The following ADAD2 variants were observed in gnomAD, a reference collection of about 807,000 sequenced individuals.
ADAD2 encodes adenosine deaminase domain containing 2, also known as adenosine deaminase domain-containing protein 2.
A neutral mutation model predicts 54.5 loss-of-function variants in ADAD2; 60 were observed. That is an observed-to-expected ratio of 1.10 (90% CI 0.89 to 1.36). The LOEUF is 1.36. Among genes scored for constraint, ADAD2 ranks in the 40% most tolerant of loss-of-function variants. The pLI is 0.00. For missense variants in ADAD2, 1,103 were observed against 801.3 expected (o/e 1.38, Z -4.54); for synonymous variants, 543 against 366.2 (o/e 1.48, Z -5.51).
intron 1 of ADAD2, chr16:84,193,242 A>T (rs1222627752): frequency 6.6e-6 from 1 of 152,108 alleles, no homozygotes; most frequent in Non-Finnish European, 1.5e-5. Flanking sequence ...TCACATTCAA[A>T]TTTTGCCAGT....
chr16:84,192,920 C>T (rs1288648754), intron 1 of ADAD2: 1 of 152,134 alleles, frequency 6.6e-6, no homozygotes, highest in Non-Finnish European at 1.5e-5. Context: ...TCTCAACTCA[C>T]TGCAACCTTT....
chr16:84,196,418 G>C (rs770241915), intron 8 of ADAD2, 48 bp downstream of exon 8: 1 of 1,580,484 alleles, frequency 6.3e-7, no homozygotes, highest in Non-Finnish European at 8.6e-7. Context: ...GCTGGTGATG[G>C]AGGGCTCATG....
rs997900127 is a variant in ADAD2 at position 84,191,528 on chromosome 16, C to T, written c.298C>T (p.Pro100Ser). 20 of 1,546,364 alleles carry T rather than the reference C, an allele frequency of 1.3e-5. No homozygotes were observed. Among genetic ancestry groups the T allele is most frequent in the Non-Finnish European group, 1.6e-5 (18 of 1,146,566 alleles). The change falls in exon 1 of 10, where the codon CCC becomes TCC. Residue 100 changes from proline to serine, a missense_variant. Physicochemically the swap from Pro to Ser is moderately conservative, Grantham distance 74. Transcript: ENST00000315906. The part of the protein sequence containing the change: ...QMGKAPRVPV[P>S]PAGLSLPLKD... Reference sequence around the variant, plus strand: ...GGGGAAGGCCCCGAGGGTCCCTGTGCCCCCAGCAGGGCTCAGCCTGCCGCT... The same window carrying T: ...GGGGAAGGCCCCGAGGGTCCCTGTGTCCCCAGCAGGGCTCAGCCTGCCGCT...
At position 84,195,052 on chromosome 16, in the gene ADAD2, C is replaced by G; in HGVS notation, c.608-17C>G. 1 of 1,612,746 alleles carries G rather than the reference C, an allele frequency of 6.2e-7. No individual in the cohort carries two copies. The highest frequency in any genetic ancestry group is 2.2e-5 in the East Asian group (1 of 44,836). On this transcript the variant is annotated splice_polypyrimidine_tract_variant and intron_variant, in intron 3 of 9. Transcript: ENST00000315906. ...GCGTGGGCCCCCTTCTACCTGCAGT[C>G]TCTCGCCCTGGCGCAGAGAACATCC... is the stretch of plus-strand genomic sequence containing the variant.
At chr16:84,196,443 C>T in intron 8 of ADAD2, 73 bp downstream of exon 8, 4 of 1,562,926 alleles carry the variant, frequency 2.6e-6, no homozygotes, top group Non-Finnish European at 3.5e-6. Flanking sequence ...AGCTTCCTCA[C>T]CTCAGTCTAA....
At chr16:84,191,912 G>A in intron 1 of ADAD2, 1 of 596,670 alleles carries the variant, frequency 1.7e-6, no homozygotes, top group East Asian at 3.0e-5. Context: ...GACTTCCAGG[G>A]AGGTTAAGGC....
At chr16:84,195,005 G>T (rs2089707931) in intron 3 of ADAD2, 25 bp downstream of exon 3, 2 of 1,541,910 alleles carry the variant, frequency 1.3e-6, no homozygotes, top group East Asian at 2.3e-5. Context: ...CCGGACCCAG[G>T]CTTGTAGTGT....
Position 84,194,485 on chromosome 16 carries a change from G to C in ADAD2, c.462G>C (p.Val154=). 7 of 1,611,098 alleles carry C rather than the reference G, an allele frequency of 4.3e-6. No homozygotes were observed. Among genetic ancestry groups the C allele is most frequent in the Non-Finnish European group, 5.9e-6 (7 of 1,179,704 alleles). Residue 154 remains valine, a synonymous_variant, in exon 2 of 10, where the codon GTG becomes GTC. Coordinates refer to ENST00000315906, the MANE Select transcript of ADAD2 (RefSeq NM_001145400.2). ...CGGTGAGCGCGGAACTGGATGGGGTGGTCTGCCCTGCGGGCACTGCGAATA... is the reference window on the plus strand; with the variant it reads ...CGGTGAGCGCGGAACTGGATGGGGTCGTCTGCCCTGCGGGCACTGCGAATA... The part of the protein sequence containing the change: ...PFSVSAELDG[V]VCPAGTANSK...
At chr16:84,194,331 G>A in intron 1 of ADAD2, 111 bp from the exon 2 acceptor site, 2 of 1,543,796 alleles carry the variant, frequency 1.3e-6, no homozygotes, top group Non-Finnish European at 1.7e-6. Flanking sequence ...GGGTGGTGAG[G>A]GTCTCATTAT....
chr16:84,195,496 G>T (rs761624474), intron 5 of ADAD2, 34 bp from the exon 6 acceptor site: 2 of 1,604,568 alleles, frequency 1.2e-6, no homozygotes, highest in African/African-American at 2.7e-5. Flanking sequence ...CCAGGACAAG[G>T]TCTTCCCAAC....
rs781250350 is a variant in ADAD2, at chr16:84,191,325, G to A, written c.95G>A (p.Trp32Ter). Residue 32 changes from tryptophan (W) to a stop codon, truncating the protein, a stop_gained, in exon 1 of 10, where the codon TGG (tryptophan) becomes TAG (stop). Transcript: ENST00000315906. LOFTEE classifies it high-confidence loss of function. ...SLQISPQPRP[W>*]RPLPAQAQSA... ...CAGATCAGCCCCCAGCCCCGCCCCT[G>A]GCGACCGCTACCCGCCCAGGCCCAA... 6.3e-7 allele frequency: 1 copy of A among 1,584,662 alleles called. No individual in the cohort carries two copies. The highest frequency in any genetic ancestry group is 8.6e-7 in the Non-Finnish European group (1 of 1,165,492).
intron 1 of ADAD2, chr16:84,194,120 G>C (rs77750049): frequency 6.2e-7 from 1 of 1,613,910 alleles, no homozygotes; most frequent in Non-Finnish European, 8.5e-7. Flanking sequence ...GGGCTCTGGA[G>C]AGGGGACCTG....
In ADAD2 at chr16:84,195,285, C is replaced by T. The variant is rs1005087497; in HGVS notation, c.734-11C>T. On this transcript the variant is annotated splice_polypyrimidine_tract_variant and intron_variant, in intron 4 of 9. Coordinates refer to ENST00000315906, the MANE Select transcript of ADAD2 (RefSeq NM_001145400.2). ...CCTTAGGCTGGGCCGTCTCTGCCCC[C>T]TCCTGCACAGAGATCCCGCGTGCCA... 137 of 1,612,100 alleles carry T rather than the reference C, an allele frequency of 8.5e-5. No individual in the cohort carries two copies. Among genetic ancestry groups the T allele is most frequent in the Non-Finnish European group, 1.1e-4 (126 of 1,179,882 alleles).
At chr16:84,196,500 A>G in intron 8 of ADAD2, 130 bp downstream of exon 8, 2 of 1,508,074 alleles carry the variant, frequency 1.3e-6, no homozygotes, top group Non-Finnish European at 1.8e-6. Flanking sequence ...ACCCCTTCCT[A>G]GCTCCGTAGT....
intron 1 of ADAD2, chr16:84,193,894 G>A: frequency 8.5e-7 from 1 of 1,174,004 alleles, no homozygotes; most frequent in Non-Finnish European, 1.2e-6. Context: ...AAACAATTTA[G>A]CAGCAAGTAC....
At chr16:84,194,738 G>A (rs1345311719) in intron 2 of ADAD2, 156 bp downstream of exon 2, 3 of 1,378,996 alleles carry the variant, frequency 2.2e-6, no homozygotes, top group Non-Finnish European at 3.0e-6. Flanking sequence ...GCAGGGAGCT[G>A]GGGCGGGGTA....
At position 84,195,993 on chromosome 16, in the gene ADAD2, G is replaced by A. The variant is rs1272311663; in HGVS notation, c.1231G>A (p.Ala411Thr). 1.9e-6 allele frequency: 3 copies of A among 1,598,574 alleles called. No homozygotes were observed. The highest frequency in any genetic ancestry group is 1.7e-5 in the Admixed American group (1 of 59,940). ...CTGGGCCGTGCTGGGGCTGGGTGGTGCCCTGCTGGCCCACCTGGTGTCCCC... is the reference window on the plus strand; with the variant it reads ...CTGGGCCGTGCTGGGGCTGGGTGGTACCCTGCTGGCCCACCTGGTGTCCCC... ...ARWAVLGLGG[A>T]LLAHLVSPLY... Residue 411 changes from alanine to threonine, a missense_variant, in exon 7 of 10, where the codon GCC becomes ACC. Ala to Thr is a moderately conservative substitution (Grantham distance 58). Coordinates refer to ENST00000315906, the MANE Select transcript of ADAD2 (RefSeq NM_001145400.2).
At position 84,191,187 on chromosome 16, in the gene ADAD2, C is replaced by G. The variant is rs964954065; in HGVS notation, c.-44C>G. The G allele has an allele frequency of 6.3e-7, 1 of 1,578,576 alleles. No individual in the cohort carries two copies. Among genetic ancestry groups the G allele is most frequent in the Non-Finnish European group, 8.6e-7 (1 of 1,159,616 alleles). ...CCCTGCGCGTGTGAAAGGGCGAGAG[C>G]AGCGCGAGATAGGGCCTAGCGCCTC... On this transcript the variant is annotated 5_prime_UTR_variant, in exon 1 of 10. Coordinates refer to ENST00000315906, the MANE Select transcript of ADAD2 (RefSeq NM_001145400.2).
rs936087760 is a variant in ADAD2, at chr16:84,195,869, G to A, written c.1107G>A (p.Gln369=). 15 of 1,606,006 alleles carry A rather than the reference G, an allele frequency of 9.3e-6. No homozygotes were observed. Among genetic ancestry groups the A allele is most frequent in the Non-Finnish European group, 1.3e-5 (15 of 1,179,336 alleles). The change falls in exon 7 of 10, where the codon CAG becomes CAA. Residue 369 remains glutamine (Q), a synonymous_variant. Transcript: ENST00000315906. The part of the protein sequence containing the change: ...GLPHSPPMRL[Q]AHVLGQLKPV... ...CGCACAGCCCACCCATGCGCCTGCA[G>A]GCCCATGTGCTCGGGCAGCTGAAGC...
Sources: allele counts gnomAD v4.1 joint callset, GRCh38; gene constraint gnomAD v4.1.1; transcripts MANE v1.5; gene names NCBI Gene and HGNC (gene_info 2026-07-23, HGNC 2026-07-21).